The following BOP1 variants were observed in gnomAD, a reference collection of about 807,000 sequenced individuals.
BOP1 encodes the protein ribosome biogenesis protein BOP1.
A neutral mutation model predicts 82.9 loss-of-function variants in BOP1; 54 were observed. The ratio of observed to expected loss-of-function variants is 0.65; its 90% confidence interval spans 0.52 to 0.82. BOP1 has a LOEUF of 0.82. BOP1 is among the 40% of genes least tolerant of loss of function. The pLI, the probability that BOP1 is intolerant of heterozygous loss-of-function variation, is 0.00. For synonymous variants in BOP1, 566 were observed against 451.1 expected, an observed-to-expected ratio of 1.25 and a Z score of -3.23; for missense variants, 1,170 against 1,072.0, an observed-to-expected ratio of 1.09 and a Z score of -1.28.
chr8:144,273,459 G>A (rs1316463846), intron 3 of BOP1, among the ~76,000 whole-genome samples: 3 of 152,252 alleles, frequency 2.0e-5, no homozygotes, highest in African/African-American at 7.2e-5. Flanking sequence ...GGACAGCAGA[G>A]GGCGGCTCCT....
intron 2 of BOP1, among the ~76,000 whole-genome samples, chr8:144,283,147 G>A (rs965280298): frequency 3.0e-5 from 4 of 135,544 alleles, no homozygotes; most frequent in Non-Finnish European, 6.0e-5. Context: ...GCAGTGAGCC[G>A]AGATTGTGCC....
chr8:144,269,401 CGG>C (rs1309027709), intron 3 of BOP1, among the ~76,000 whole-genome samples: 2 of 152,200 alleles, frequency 1.3e-5, no homozygotes, highest in African/African-American at 4.8e-5. Context: ...GACGCACCCT[CGG>C]GGGGAGACCA....
At chr8:144,285,821 C>T (rs972352138) in intron 2 of BOP1, among the ~76,000 whole-genome samples, 2 of 152,248 alleles carry the variant, frequency 1.3e-5, no homozygotes, top group Non-Finnish European at 2.9e-5. Context: ...GGCCCGGCCC[C>T]GTGGACCCAC....
chr8:144,267,233 C>CA (rs1845395070), intron 3 of BOP1: 1 of 1,465,550 alleles, frequency 6.8e-7, no homozygotes, highest in Non-Finnish European at 8.9e-7. Flanking sequence ...CCCCTCAGCC[C>CA]ACACCTGCCA....
chr8:144,281,641 G>A (rs1845686333), intron 2 of BOP1: 1 of 152,048 alleles, frequency 6.6e-6, no homozygotes, highest in African/African-American at 2.4e-5. Context: ...TTAATACTAG[G>A]TCTTAGGCCT....
chr8:144,289,432 C>T (rs1167378094), intron 1 of BOP1, 128 bp from the exon 2 acceptor site: 2 of 916,962 alleles, frequency 2.2e-6, no homozygotes, highest in Non-Finnish European at 1.7e-6. Context: ...AGGACCACAC[C>T]CCTCCAGTCA....
intron 2 of BOP1, 141 bp from the exon 3 acceptor site, chr8:144,276,445 C>T: frequency 1.0e-6 from 1 of 993,514 alleles, no homozygotes; most frequent in Non-Finnish European, 1.5e-6. Context: ...CCGAGAACAC[C>T]CAGCTCTAAG....
Position 144,278,071 on chromosome 8 carries a change from G to A in BOP1, c.310-1767C>T, listed in dbSNP as rs587608338. ...TTCTCCAGGGTCTCCAGCACCACCC[G>A]CAGTGTGCGTGGCCTGACTGAGGAG... On this transcript the variant is annotated intron_variant, in intron 2 of 15. Transcript: ENST00000569669. Among the ~76,000 whole-genome samples, 390 of 152,344 alleles carry A rather than the reference G, an allele frequency of 2.6e-3. 1 individual carries two copies. The highest frequency in any genetic ancestry group is 9.0e-3 in the African/African-American group (376 of 41,594).
Position 144,289,154 on chromosome 8 carries a change from C to T in BOP1, c.250G>A (p.Gly84Arg), listed in dbSNP as rs781951059. Reference sequence around the variant, plus strand: ...CTGTGGCCCTCGTCATCAAGGGCTCCGTCCTCTCCCTCCTCGTCGCCTTCG... The same window carrying T: ...CTGTGGCCCTCGTCATCAAGGGCTCTGTCCTCTCCCTCCTCGTCGCCTTCG... ...DDEGDEEGED[G>R]ALDDEGHSGI... is the part of the protein sequence containing the mutation. The change falls in exon 2 of 16, where the codon GGA becomes AGA. Residue 84 changes from glycine (G) to arginine (R), a missense_variant. Gly to Arg is a moderately radical substitution (Grantham distance 125, BLOSUM62 -2). Coordinates refer to ENST00000569669, the MANE Select transcript of BOP1 (RefSeq NM_015201.5). 5.5e-5 allele frequency: 88 copies of T among 1,614,080 alleles called. No individual in the cohort carries two copies. The highest frequency in any genetic ancestry group is 1.1e-4 in the East Asian group (5 of 44,896).
In BOP1 at chr8:144,262,224, G is replaced by A. The variant is rs1845205445; in HGVS notation, c.2181C>T (p.His727=). Residue 727 remains histidine, a synonymous_variant, in exon 16 of 16, where the codon CAC becomes CAT. Transcript: ENST00000569669. ...AGGAGAAGACCCACGGCTGGGTGGG[G>A]TGGAAGATGACGTCCAGCACTCCCA... is the stretch of plus-strand genomic sequence containing the variant. ...RDLGVLDVIF[H]PTQPWVFSSG... is the part of the protein sequence containing the mutation. 1.2e-6 allele frequency: 2 copies of A among 1,612,732 alleles called. No homozygotes were observed. Among genetic ancestry groups the A allele is most frequent in the African/African-American group, 2.7e-5 (2 of 75,022 alleles).
chr8:144,282,613 C>T (rs188189748), intron 2 of BOP1, among the ~76,000 whole-genome samples: 1 of 152,238 alleles, frequency 6.6e-6, no homozygotes. Context: ...CTACTAGCAA[C>T]AGCTGTGGGC....
chr8:144,263,629 G>GCTCTCAACA lies in BOP1; in HGVS notation c.1292-28_1292-20dup, dbSNP rs1845287914. ...TCAGAGCCTGGATGCGGCAGAGACA[G>GCTCTCAACA]CTCTCAACACCTGGCCATCCCACCT... On this transcript the variant is annotated intron_variant, in intron 10 of 15. Coordinates refer to ENST00000569669, the MANE Select transcript of BOP1 (RefSeq NM_015201.5). 1 of 1,608,264 alleles carries GCTCTCAACA rather than the reference G, an allele frequency of 6.2e-7. No individual in the cohort carries two copies. Among genetic ancestry groups the GCTCTCAACA allele is most frequent in the African/African-American group, 1.3e-5 (1 of 74,824 alleles).
chr8:144,289,290 G>A lies in BOP1; in HGVS notation c.114C>T (p.Cys38=). ...CGGTGCTGTGGCTGAGAGGAGAGGT[G>A]CAGAGGAGGGGGGGCTGCAAGGAAA... is the stretch of plus-strand genomic sequence containing the variant. ...PEPEPEPPLL[C]TSPLSHSTGS... is the part of the protein sequence containing the mutation. Residue 38 remains cysteine (C), a synonymous_variant, in exon 2 of 16, where the codon TGC becomes TGT. Coordinates refer to ENST00000569669, the MANE Select transcript of BOP1 (RefSeq NM_015201.5). The A allele has an allele frequency of 1.2e-6, 2 of 1,613,944 alleles. No homozygotes were observed. Among genetic ancestry groups the A allele is most frequent in the Non-Finnish European group, 1.7e-6 (2 of 1,179,958 alleles).
At chr8:144,266,852 C>T in intron 3 of BOP1, 11 of 1,394,506 alleles carry the variant, frequency 7.9e-6, no homozygotes, top group African/African-American at 1.5e-5. Flanking sequence ...CGGCACACGG[C>T]GAACGCGCGC....
chr8:144,271,495 C>T (rs990913977), intron 3 of BOP1, among the ~76,000 whole-genome samples: 8 of 152,178 alleles, frequency 5.3e-5, no homozygotes, highest in Admixed American at 3.3e-4. Flanking sequence ...GCGTTCGCGC[C>T]GCTCCCCTGC....
chr8:144,267,632 G>A (rs1022988550), intron 3 of BOP1, among the ~76,000 whole-genome samples: 5 of 152,240 alleles, frequency 3.3e-5, no homozygotes, highest in Non-Finnish European at 5.9e-5. Flanking sequence ...GGCACCTGCT[G>A]TCCGTCCCCC....
rs1404694973 is a variant in BOP1 at position 144,263,496 on chromosome 8, C to T, written c.1406G>A (p.Cys469Tyr). Reference protein sequence around the residue: ...SVAWNPSPAVCLVAAAVEDSV... With the variant: ...SVAWNPSPAVYLVAAAVEDSV... ...CACTTACACGGCTGCAGCCACCAGG[C>T]AGACAGCGGGGCTGGGGTTCCAGGC... The change falls in exon 11 of 16, where the codon TGC (cysteine) becomes TAC (tyrosine). Residue 469 changes from cysteine to tyrosine, a missense_variant. Transcript: ENST00000569669. 6.3e-7 allele frequency: 1 copy of T among 1,598,676 alleles called. No individual in the cohort carries two copies. Among genetic ancestry groups the T allele is most frequent in the African/African-American group, 1.3e-5 (1 of 75,012 alleles).
intron 3 of BOP1, among the ~76,000 whole-genome samples, chr8:144,272,938 A>G: frequency 6.6e-6 from 1 of 152,182 alleles, no homozygotes; most frequent in Middle Eastern, 3.4e-3. Flanking sequence ...TCCTCAGTGG[A>G]AAGGGACCAG....
intron 2 of BOP1, among the ~76,000 whole-genome samples, chr8:144,280,849 T>A (rs1292147164): frequency 1.3e-5 from 2 of 150,964 alleles, no homozygotes; most frequent in Non-Finnish European, 2.9e-5. Flanking sequence ...GACTCTTGTC[T>A]CAGAAAAAAA....
Sources: allele counts gnomAD v4.1 joint callset (sites outside exome capture counted in the v4.1 genomes callset), GRCh38; gene constraint gnomAD v4.1.1; transcripts MANE v1.5; gene names NCBI Gene and HGNC (gene_info 2026-07-23, HGNC 2026-07-21).